The following LIPA variants were observed in gnomAD, a reference collection of about 807,000 sequenced individuals.
LIPA encodes the protein lipase A, lysosomal acid type.
Under a neutral mutation model 40.6 loss-of-function variants are expected in LIPA, and 26 were observed. The ratio of observed to expected loss-of-function variants is 0.64; its 90% CI spans 0.47 to 0.89. LIPA has a LOEUF of 0.89. Ranked by LOEUF, LIPA falls within the 40% of genes least tolerant of loss-of-function variation. The pLI is 0.00. For synonymous variants in LIPA, 188 were observed against 168.4 expected (o/e 1.12, Z -0.90); for missense variants, 455 against 479.6 (o/e 0.95, Z 0.48).
intron 1 of LIPA, among the ~76,000 whole-genome samples, chr10:89,280,420 T>A (rs1843309053): frequency 6.6e-6 from 1 of 152,188 alleles, no homozygotes. Flanking sequence ...CCTGGGTACA[T>A]TCTCCCTTCG....
At chr10:89,301,243 G>T (rs1843443670) in intron 1 of LIPA, among the ~76,000 whole-genome samples, 1 of 152,210 alleles carries the variant, frequency 6.6e-6, no homozygotes, top group African/African-American at 2.4e-5. Flanking sequence ...TTCTAATCAT[G>T]TATTCATTTA....
In LIPA at chr10:89,384,487, G is replaced by C. The variant is rs773868330; in HGVS notation, c.61+28304C>G. ...CTACGGCCGTTTCCAAGAACATCATGGGAAATCTCAAGATAAAGCAATTAC... is the reference window on the plus strand; with the variant it reads ...CTACGGCCGTTTCCAAGAACATCATCGGAAATCTCAAGATAAAGCAATTAC... On this transcript the variant is annotated intron_variant, in intron 2 of 8. Coordinates refer to the LIPA transcript ENST00000371837. The C allele has an allele frequency of 3.1e-6, 5 of 1,614,084 alleles. No individual in the cohort carries two copies. The South Asian group carries it at 5.5e-5, about 18-fold the overall frequency.
chr10:89,256,753 A>G (rs541695137), upstream of LIPA, among the ~76,000 whole-genome samples: 19 of 152,350 alleles, frequency 1.2e-4, no homozygotes, highest in African/African-American at 4.6e-4. Flanking sequence ...CCCAAAATGC[A>G]ACCCAGGCAA....
At chr10:89,356,551 A>G (rs986474291) in intron 2 of LIPA, among the ~76,000 whole-genome samples, 7 of 152,162 alleles carry the variant, frequency 4.6e-5, no homozygotes, top group African/African-American at 1.4e-4. Flanking sequence ...TGAACTCTGC[A>G]TCCGATGAAC....
At chr10:89,269,123 G>A (rs1469221380) in intron 1 of LIPA, among the ~76,000 whole-genome samples, 3 of 151,842 alleles carry the variant, frequency 2.0e-5, no homozygotes, top group African/African-American at 4.8e-5. Context: ...TCAAAAGATC[G>A]AGACCATCAT....
At chr10:89,219,675 C>T (rs1842671660) in intron 8 of LIPA, among the ~76,000 whole-genome samples, 1 of 152,200 alleles carries the variant, frequency 6.6e-6, no homozygotes. Flanking sequence ...CAGGCCTGCC[C>T]AGCTTCCACA....
chr10:89,359,135 C>T (rs1169346255), intron 2 of LIPA, among the ~76,000 whole-genome samples: 2 of 152,140 alleles, frequency 1.3e-5, no homozygotes, highest in Admixed American at 6.5e-5. Context: ...CAGCCCAACC[C>T]GTCCGTGATC....
intron 1 of LIPA, among the ~76,000 whole-genome samples, chr10:89,259,508 T>C (rs1288981578): frequency 6.6e-6 from 1 of 152,234 alleles, no homozygotes; most frequent in African/African-American, 2.4e-5. Flanking sequence ...TAAAAGATTA[T>C]AAGTATATCT....
intron 2 of LIPA, among the ~76,000 whole-genome samples, chr10:89,394,776 A>C (rs184325963): frequency 6.5e-4 from 99 of 152,096 alleles, no homozygotes; most frequent in Non-Finnish European, 1.2e-3. Context: ...CATCATCACT[A>C]TCTAGTTCAA....
exon 1 of LIPA, chr10:89,414,456 A>G (rs1841508005): frequency 3.4e-6 from 1 of 295,222 alleles, no homozygotes; most frequent in Non-Finnish European, 6.2e-6. Flanking sequence ...CCCAGCTGCA[A>G]ATTCAACTCC....
chr10:89,368,662 A>G, intron 2 of LIPA, among the ~76,000 whole-genome samples: 1 of 152,220 alleles, frequency 6.6e-6, no homozygotes, highest in East Asian at 1.9e-4. Flanking sequence ...ACATGGTGAC[A>G]AAAAGCAAAT....
chr10:89,303,087 T>G (rs1160289975), intron 1 of LIPA, among the ~76,000 whole-genome samples: 1 of 152,222 alleles, frequency 6.6e-6, no homozygotes, highest in East Asian at 1.9e-4. Flanking sequence ...AACCCTTTTC[T>G]TATTTCTTAG....
At chr10:89,236,760 G>A (rs1184619501) in intron 3 of LIPA, among the ~76,000 whole-genome samples, 1 of 152,084 alleles carries the variant, frequency 6.6e-6, no homozygotes, top group Non-Finnish European at 1.5e-5. Flanking sequence ...ATCTCATATT[G>A]AAAATGCAGC....
At chr10:89,231,076 T>C (rs889234241) in intron 3 of LIPA, among the ~76,000 whole-genome samples, 3 of 152,106 alleles carry the variant, frequency 2.0e-5, no homozygotes, top group African/African-American at 7.2e-5. Flanking sequence ...ACAAGGACAG[T>C]GACAGCATAG....
rs199570584 is a variant in LIPA at position 89,289,998 on chromosome 10, G to A, written c.-1-42349C>T. ...TGACTTACTCACTGCTAAAAAAAAAGGGTGGGGGGGACTCTGTATATTTTC... is the reference window on the plus strand; with the variant it reads ...TGACTTACTCACTGCTAAAAAAAAAAGGTGGGGGGGACTCTGTATATTTTC... On this transcript the variant is annotated intron_variant, in intron 1 of 5. Coordinates refer to the LIPA transcript ENST00000282673. 1.1e-4 allele frequency among the ~76,000 whole-genome samples: 13 copies of A among 120,042 alleles called. No individual in the cohort carries two copies. The East Asian group carries it at 1.4e-3, about 13-fold the overall frequency. 78.8% of individuals were successfully genotyped at this position (120,042 alleles called of 152,430 possible).
chr10:89,227,067 G>A (rs769772927), intron 4 of LIPA, 63 bp from the exon 5 acceptor site: 11 of 1,016,512 alleles, frequency 1.1e-5, no homozygotes, highest in African/African-American at 1.6e-5. Context: ...CACACATACT[G>A]AGTATGCAGT....
intron 1 of LIPA, among the ~76,000 whole-genome samples, chr10:89,325,191 A>T (rs1843592181): frequency 6.6e-6 from 1 of 152,256 alleles, no homozygotes; most frequent in African/African-American, 2.4e-5. Context: ...CAGAATGACT[A>T]TTATTAAAAA....
intron 1 of LIPA, among the ~76,000 whole-genome samples, chr10:89,272,754 A>G (rs189014242): frequency 3.3e-4 from 51 of 152,308 alleles, no homozygotes; most frequent in African/African-American, 1.2e-3. Flanking sequence ...CCTCGCCAGC[A>G]TCTATTATTT....
chr10:89,334,339 G>C (rs896381771), intron 1 of LIPA, among the ~76,000 whole-genome samples: 9 of 151,838 alleles, frequency 5.9e-5, no homozygotes, highest in Non-Finnish European at 1.3e-4. Context: ...CGAGGTCATG[G>C]GAAATCTCTT....
Sources: allele counts gnomAD v4.1 joint callset (sites outside exome capture counted in the v4.1 genomes callset), GRCh38; gene constraint gnomAD v4.1.1; transcripts MANE v1.5; gene names NCBI Gene and HGNC (gene_info 2026-07-23, HGNC 2026-07-21).